Variants in CORO1C observed in about 807,000 individuals in gnomAD.
The protein encoded by CORO1C is coronin-1C.
A neutral mutation model predicts 51.2 loss-of-function variants in CORO1C; 14 were observed. The ratio of observed to expected loss-of-function variants is 0.27; its 90% CI spans 0.18 to 0.43. The LOEUF is 0.43. CORO1C is among the 20% of genes least tolerant of loss of function. CORO1C has a pLI of 1.00. For missense variants in CORO1C, 417 were observed against 607.8 expected (o/e 0.69, Z 3.30); for synonymous variants, 181 against 210.5 (o/e 0.86, Z 1.21).
intron 1 of CORO1C, among the ~76,000 whole-genome samples, chr12:108,710,471 C>T (rs1411456213): frequency 6.6e-6 from 1 of 152,164 alleles, no homozygotes; most frequent in Non-Finnish European, 1.5e-5. Context: ...AGATAACACA[C>T]TCCTCTTTTT....
chr12:108,656,182 G>A (rs1173348445), intron 6 of CORO1C, among the ~76,000 whole-genome samples: 9 of 144,018 alleles, frequency 6.2e-5, no homozygotes, highest in South Asian at 2.3e-4. Context: ...CCCTCCGCCC[G>A]GCAGCCGCCC....
intron 2 of CORO1C, among the ~76,000 whole-genome samples, chr12:108,692,602 A>G (rs1298705741): frequency 6.6e-6 from 1 of 152,222 alleles, no homozygotes; most frequent in Non-Finnish European, 1.5e-5. Context: ...AGCCCTCAAC[A>G]AATGTGAACT....
chr12:108,716,127 CAAAAAAAAAAAA>C (rs61278729), intron 1 of CORO1C, among the ~76,000 whole-genome samples: 112 of 41,108 alleles, frequency 2.7e-3, no homozygotes, highest in South Asian at 8.8e-3. Context: ...GACTCTGTCG[CAAAAAAAAAAAA>C]AAAAAAAAAA....
intron 2 of CORO1C, among the ~76,000 whole-genome samples, chr12:108,694,279 C>CA (rs60647143): frequency 0.033 from 2,193 of 65,910 alleles, 74 homozygotes; most frequent in Non-Finnish European, 0.04. Context: ...AAGACTGTCT[C>CA]AAAAAAAAAA....
chr12:108,655,568 GAC>G (rs915675635), intron 6 of CORO1C, among the ~76,000 whole-genome samples: 4 of 152,228 alleles, frequency 2.6e-5, no homozygotes, highest in African/African-American at 9.6e-5. Flanking sequence ...TTTTGGTGGA[GAC>G]GGGGTTTCGC....
chr12:108,681,537 CA>C (rs1242418699), intron 2 of CORO1C, among the ~76,000 whole-genome samples: 3 of 151,860 alleles, frequency 2.0e-5, no homozygotes, highest in Non-Finnish European at 2.9e-5. Flanking sequence ...ATCAGAGAAA[CA>C]AAAAAATGGA....
intron 3 of CORO1C, among the ~76,000 whole-genome samples, chr12:108,667,221 C>CAATT (rs1226478394): frequency 2.6e-5 from 4 of 152,142 alleles, no homozygotes; most frequent in Non-Finnish European, 5.9e-5. Context: ...GCACTGTACC[C>CAATT]AATTAATTAA....
chr12:108,661,084 A>AT (rs1177276341), intron 4 of CORO1C, among the ~76,000 whole-genome samples: 3 of 152,206 alleles, frequency 2.0e-5, no homozygotes, highest in African/African-American at 7.2e-5. Flanking sequence ...CAATGCACCC[A>AT]TTTTAAGTAT....
intron 2 of CORO1C, chr12:108,700,802 C>A (rs2034841847): frequency 4.4e-6 from 1 of 228,038 alleles, no homozygotes; most frequent in East Asian, 9.5e-5. Flanking sequence ...TAAAACTGCA[C>A]TCTAAAAGAA....
intron 2 of CORO1C, among the ~76,000 whole-genome samples, chr12:108,695,851 TAAAAA>T (rs924887183): frequency 1.6e-5 from 1 of 62,452 alleles, no homozygotes; most frequent in Non-Finnish European, 3.3e-5. Flanking sequence ...TTGGGAGAAC[TAAAAA>T]AAAAAAAAAA....
chr12:108,710,551 T>G (rs1302847560), intron 1 of CORO1C, among the ~76,000 whole-genome samples: 1 of 152,044 alleles, frequency 6.6e-6, no homozygotes. Flanking sequence ...AACAAAAAAG[T>G]TAAAATTTTT....
Position 108,701,129 on chromosome 12 carries a change from G to A in CORO1C, c.190C>T (p.His64Tyr), listed in dbSNP as rs900886204. The A allele has an allele frequency of 3.1e-6, 5 of 1,614,014 alleles. No individual in the cohort carries two copies. The highest frequency in any genetic ancestry group is 1.7e-5 in the Admixed American group (1 of 60,014). The change falls in exon 2 of 11, where the codon CAC becomes TAC. Residue 64 changes from histidine to tyrosine, a missense_variant. Transcript: ENST00000261401. ...GGGAFLVLPL[H>Y]KTGRIDKSYP... Reference sequence around the variant, plus strand: ...TGGAAGATCAAATTACCTACCTTGTGCAGAGGGAGGACAAGGAACGCTCCT... The same window carrying A: ...TGGAAGATCAAATTACCTACCTTGTACAGAGGGAGGACAAGGAACGCTCCT...
At chr12:108,672,620 T>C (rs1029834909) in intron 3 of CORO1C, among the ~76,000 whole-genome samples, 26 of 151,856 alleles carry the variant, frequency 1.7e-4, no homozygotes, top group Non-Finnish European at 7.4e-5. Flanking sequence ...CCTCATTTTA[T>C]TGCACTTCAC....
chr12:108,701,569 A>C, intron 1 of CORO1C: 2 of 523,524 alleles, frequency 3.8e-6, no homozygotes, highest in Non-Finnish European at 3.4e-6. Context: ...GAAACAGCTC[A>C]TCAGTTTTAA....
At chr12:108,702,889 C>G in intron 1 of CORO1C, 1 of 1,535,896 alleles carries the variant, frequency 6.5e-7, no homozygotes, top group Non-Finnish European at 8.7e-7. Context: ...ATTGAGCATC[C>G]ACGTTCCTTA....
At chr12:108,711,634 C>T (rs1036511634) in intron 1 of CORO1C, among the ~76,000 whole-genome samples, 72 of 149,648 alleles carry the variant, frequency 4.8e-4, no homozygotes, top group African/African-American at 1.7e-3. Flanking sequence ...GAACCGAGAT[C>T]GCGTCACTGC....
chr12:108,694,821 T>C (rs966084855), intron 2 of CORO1C, among the ~76,000 whole-genome samples: 1 of 152,162 alleles, frequency 6.6e-6, no homozygotes, highest in African/African-American at 2.4e-5. Flanking sequence ...GGTGGAAATA[T>C]AGTGTTCAAA....
chr12:108,723,207 A>G (rs2035513659), intron 1 of CORO1C, among the ~76,000 whole-genome samples: 1 of 152,246 alleles, frequency 6.6e-6, no homozygotes, highest in Non-Finnish European at 1.5e-5. Flanking sequence ...TCTGCTTAAC[A>G]GAGATGACAG....
chr12:108,670,288 C>T (rs114571565), intron 3 of CORO1C, among the ~76,000 whole-genome samples: 167 of 152,260 alleles, frequency 1.1e-3, no homozygotes, highest in African/African-American at 3.8e-3. Context: ...GGCAGCAGGC[C>T]GGTGTGAGAT....
Sources: gnomAD v4.1 joint callset for allele counts (sites outside exome capture counted in the v4.1 genomes callset) on GRCh38, gnomAD v4.1.1 for gene constraint, MANE v1.5 for transcripts, NCBI Gene and HGNC (gene_info 2026-07-23, HGNC 2026-07-21) for gene names.